The following NUP205 variants were observed in gnomAD, a reference collection of about 807,000 sequenced individuals.
The protein encoded by NUP205 is nuclear pore complex protein Nup205.
In NUP205, 76 loss-of-function variants were observed where a neutral mutation model predicts 253.8. The observed-to-expected ratio is 0.30, with a 90% CI of 0.25 to 0.36. The LOEUF (loss-of-function observed/expected upper bound fraction) is 0.36. Among genes scored for constraint, NUP205 ranks in the 10% least tolerant of loss-of-function variants. The probability of loss-of-function intolerance (pLI) is 1.00; values close to 1 mark genes in which losing one functional copy is unlikely to be tolerated. For missense variants in NUP205, 2,162 were observed against 2,425.5 expected (o/e 0.89, Z 2.28); for synonymous variants, 832 against 850.1 (o/e 0.98, Z 0.37).
chr7:135,593,676 G>C (rs1052689003), intron 12 of NUP205, among the ~76,000 whole-genome samples: 2 of 152,068 alleles, frequency 1.3e-5, no homozygotes, highest in Non-Finnish European at 2.9e-5. Flanking sequence ...ATATCTTTTA[G>C]TTATGTCTGT....
At chr7:135,576,224 A>AAT in intron 3 of NUP205, 46 bp from the exon 4 acceptor site, 1 of 1,551,010 alleles carries the variant, frequency 6.4e-7, no homozygotes, top group Non-Finnish European at 8.9e-7. Context: ...CCTCCTAAAC[A>AAT]CATACGTGTT....
intron 1 of NUP205, among the ~76,000 whole-genome samples, chr7:135,559,752 C>T (rs938072926): frequency 6.7e-6 from 1 of 149,694 alleles, no homozygotes; most frequent in Non-Finnish European, 1.5e-5. Flanking sequence ...AGTGCAGTGG[C>T]GTGATCTCGG....
At chr7:135,607,096 A>G (rs756982940) in intron 21 of NUP205, 151 bp from the exon 22 acceptor site, 226 of 1,155,554 alleles carry the variant, frequency 2.0e-4, no homozygotes, top group Non-Finnish European at 2.5e-4. Flanking sequence ...GCTATAGAGA[A>G]TCAGCCTTTA....
chr7:135,560,971 G>A (rs547703729), intron 1 of NUP205, among the ~76,000 whole-genome samples: 2 of 152,332 alleles, frequency 1.3e-5, no homozygotes, highest in East Asian at 3.9e-4. Context: ...TCTATGTTAT[G>A]TGCTTCCTTT....
chr7:135,573,671 G>A lies in NUP205; in HGVS notation c.189G>A (p.Gln63=), dbSNP rs150567613. Reference sequence around the variant, plus strand: ...CATTGTAGCCAAAAAATGTTCAACAGCATGAGAAGGTTCAGAAAGCCAGTA... The same window carrying A: ...CATTGTAGCCAAAAAATGTTCAACAACATGAGAAGGTTCAGAAAGCCAGTA... ...LFKNPPKNVQ[Q]HEKVQKASTE... is the part of the protein sequence containing the mutation. Residue 63 remains glutamine, a synonymous_variant, in exon 3 of 43, where the codon CAG becomes CAA. Transcript: ENST00000285968. 1 of 1,605,788 alleles carries A rather than the reference G, an allele frequency of 6.2e-7. No individual in the cohort carries two copies. The highest frequency in any genetic ancestry group is 8.5e-7 in the Non-Finnish European group (1 of 1,178,040).
intron 34 of NUP205, among the ~76,000 whole-genome samples, chr7:135,628,399 A>T (rs566200717): frequency 2.3e-4 from 35 of 152,302 alleles, no homozygotes; most frequent in African/African-American, 8.2e-4. Flanking sequence ...TGATAGGAGT[A>T]AGCTGGCTTC....
Position 135,648,616 on chromosome 7 carries a change from ATAGAT to A in NUP205, c.*64_*68del. ...AATTGGGGAGAATTGTCTCCATTTT[ATAGAT>A]TAGTTTCTTTCTAAATTATGACCAA... is the stretch of plus-strand genomic sequence containing the variant. On this transcript the variant is annotated 3_prime_UTR_variant, in exon 43 of 43. Coordinates refer to ENST00000285968, the MANE Select transcript of NUP205 (RefSeq NM_015135.3). 1 of 1,294,366 alleles carries A rather than the reference ATAGAT, an allele frequency of 7.7e-7. No homozygotes were observed. Among genetic ancestry groups the A allele is most frequent in the Non-Finnish European group, 1.0e-6 (1 of 986,430 alleles). 80.2% of individuals were successfully genotyped at this position (1,294,366 alleles called of 1,614,324 possible).
intron 7 of NUP205, among the ~76,000 whole-genome samples, chr7:135,582,111 C>T (rs1240560482): frequency 6.6e-6 from 1 of 152,050 alleles, no homozygotes; most frequent in Non-Finnish European, 1.5e-5. Context: ...CAGGGCGAAA[C>T]CTTGACTCTG....
At chr7:135,635,107 A>G (rs1794783370) in intron 35 of NUP205, among the ~76,000 whole-genome samples, 1 of 152,156 alleles carries the variant, frequency 6.6e-6, no homozygotes, top group African/African-American at 2.4e-5. Context: ...CGATTTAGGA[A>G]TTTTGTAACG....
At chr7:135,603,148 C>T (rs1436449839) in intron 18 of NUP205, among the ~76,000 whole-genome samples, 154 bp downstream of exon 18, 1 of 123,050 alleles carries the variant, frequency 8.1e-6, no homozygotes, top group African/African-American at 3.1e-5. Flanking sequence ...TGGAGTCTCG[C>T]TCTGTCGTCC....
chr7:135,581,846 C>CT (rs1244688227), intron 7 of NUP205, among the ~76,000 whole-genome samples: 1 of 150,478 alleles, frequency 6.6e-6, no homozygotes, highest in African/African-American at 2.4e-5. Context: ...GAGTGAAACT[C>CT]TGTTTCCAAA....
rs756133964 is a variant in NUP205 at position 135,606,823 on chromosome 7, C to T, written c.2978C>T (p.Thr993Ile). Reference sequence around the variant, plus strand: ...ATCCACATCTTGAATCTTCTCATTACCTCTCTGGAATGCAATCCACCCAAT... The same window carrying T: ...ATCCACATCTTGAATCTTCTCATTATCTCTCTGGAATGCAATCCACCCAAT... ...TRIHILNLLI[T>I]SLECNPPNLA... The change falls in exon 21 of 43, where the codon ACC (threonine) becomes ATC (isoleucine). Residue 993 changes from threonine (T) to isoleucine (I), a missense_variant. Around this residue, in one of 5 missense-constraint regions of NUP205, gnomAD observed 1,144 missense variants for 1,280.9 expected, o/e 0.89. Coordinates refer to ENST00000285968, the MANE Select transcript of NUP205 (RefSeq NM_015135.3). The T allele has an allele frequency of 1.9e-6, 3 of 1,613,622 alleles. No homozygotes were observed. The highest frequency in any genetic ancestry group is 2.5e-6 in the Non-Finnish European group (3 of 1,179,618).
chr7:135,641,365 T>C (rs1296083235), intron 38 of NUP205, among the ~76,000 whole-genome samples: 1 of 152,232 alleles, frequency 6.6e-6, no homozygotes, highest in Admixed American at 6.5e-5. Context: ...TGTCACATCT[T>C]GCTGTAGACT....
At chr7:135,560,999 A>C (rs1284656391) in intron 1 of NUP205, among the ~76,000 whole-genome samples, 2 of 152,204 alleles carry the variant, frequency 1.3e-5, no homozygotes, top group African/African-American at 2.4e-5. Flanking sequence ...AGTTTTAAAA[A>C]ATCAAACATC....
chr7:135,612,837 C>A (rs1378335476), intron 22 of NUP205, among the ~76,000 whole-genome samples: 8 of 152,136 alleles, frequency 5.3e-5, no homozygotes, highest in Admixed American at 2.6e-4. Flanking sequence ...TTTTAATTCA[C>A]AAGTAGTCAT....
In NUP205 at chr7:135,584,821, T is replaced by A; in HGVS notation, c.1043-11T>A. ...TTCCTCCATGTACTGTGTTTTAAAA[T>A]CTGTTTCTAGCTCTGGCAGAATTCA... On this transcript the variant is annotated splice_polypyrimidine_tract_variant and intron_variant, in intron 7 of 42. Coordinates refer to ENST00000285968, the MANE Select transcript of NUP205 (RefSeq NM_015135.3). The A allele has an allele frequency of 6.2e-7, 1 of 1,613,536 alleles. No individual in the cohort carries two copies. Among genetic ancestry groups the A allele is most frequent in the African/African-American group, 1.3e-5 (1 of 75,066 alleles).
intron 15 of NUP205, among the ~76,000 whole-genome samples, chr7:135,599,703 A>G (rs1450831990): frequency 6.6e-6 from 1 of 152,168 alleles, no homozygotes. Flanking sequence ...CCACACTTCA[A>G]GTGTTGCTGC....
intron 35 of NUP205, among the ~76,000 whole-genome samples, chr7:135,633,457 T>C (rs558733275): frequency 6.6e-6 from 1 of 152,338 alleles, no homozygotes; most frequent in African/African-American, 2.4e-5. Context: ...GTTGACTGTT[T>C]CCAAGCTTCT....
At chr7:135,558,067 C>A in intron 1 of NUP205, 95 bp downstream of exon 1, 1 of 1,040,976 alleles carries the variant, frequency 9.6e-7, no homozygotes, top group Non-Finnish European at 1.5e-6. Context: ...TCTAGGACCC[C>A]ACTTATGTGC....
Sources: allele counts gnomAD v4.1 joint callset (sites outside exome capture counted in the v4.1 genomes callset), GRCh38; gene constraint gnomAD v4.1.1; regional missense constraint gnomAD v4.1.1; transcripts MANE v1.5; gene names NCBI Gene and HGNC (gene_info 2026-07-23, HGNC 2026-07-21).